Variants in AGBL1 observed in about 807,000 individuals in gnomAD.
AGBL1 encodes AGBL carboxypeptidase 1.
A neutral mutation model predicts 118.9 loss-of-function variants in AGBL1; 130 were observed. The observed-to-expected ratio is 1.09, with a 90% confidence interval of 0.95 to 1.26. AGBL1 has a LOEUF of 1.26. AGBL1 is among the 50% of genes most tolerant of loss of function. The pLI is 0.00. For synonymous variants in AGBL1, 555 were observed against 478.9 expected (o/e 1.16, Z -2.08); for missense variants, 1,584 against 1,298.1 (o/e 1.22, Z -3.38).
intron 22 of AGBL1, among the ~76,000 whole-genome samples, chr15:86,698,211 G>T (rs961940752): frequency 3.9e-5 from 6 of 151,974 alleles, no homozygotes; most frequent in Admixed American, 3.3e-4. Flanking sequence ...ATTGGTTAAA[G>T]TAGTCTTTAG....
chr15:86,588,595 A>C (rs2084288457), intron 21 of AGBL1, among the ~76,000 whole-genome samples: 1 of 152,216 alleles, frequency 6.6e-6, no homozygotes, highest in African/African-American at 2.4e-5. Context: ...ACACCACGGC[A>C]ACCACAACCT....
intron 17 of AGBL1, among the ~76,000 whole-genome samples, chr15:86,392,551 G>T (rs753015896): frequency 6.6e-6 from 1 of 152,150 alleles, no homozygotes; most frequent in Non-Finnish European, 1.5e-5. Flanking sequence ...GCCAGTAGAA[G>T]CTTAATATAT....
chr15:86,248,011 G>A (rs1464187838), intron 7 of AGBL1, 132 bp downstream of exon 7: 4 of 1,233,672 alleles, frequency 3.2e-6, no homozygotes, highest in African/African-American at 3.0e-5. Flanking sequence ...AAGGGCGGAT[G>A]TTCTGGATTT....
At chr15:86,207,444 G>A (rs184675867) in intron 5 of AGBL1, among the ~76,000 whole-genome samples, 1 of 152,276 alleles carries the variant, frequency 6.6e-6, no homozygotes, top group East Asian at 1.9e-4. Flanking sequence ...TTATCCATGA[G>A]CCTGGAATGT....
At chr15:86,385,194 A>T (rs2081165307) in intron 17 of AGBL1, among the ~76,000 whole-genome samples, 1 of 152,004 alleles carries the variant, frequency 6.6e-6, no homozygotes, top group African/African-American at 2.4e-5. Context: ...ATTTTTTCAT[A>T]TGATAACATA....
intron 5 of AGBL1, among the ~76,000 whole-genome samples, chr15:86,220,027 C>T (rs1263381652): frequency 7.3e-6 from 1 of 137,052 alleles, no homozygotes; most frequent in African/African-American, 2.7e-5. Context: ...TCTTGGTTCA[C>T]TGCAACCTCT....
intron 18 of AGBL1, among the ~76,000 whole-genome samples, chr15:86,443,564 T>G (rs1187592359): frequency 1.3e-5 from 2 of 152,168 alleles, no homozygotes. Flanking sequence ...TATCTAATTG[T>G]ATTTTGTGTT....
At chr15:87,022,514 A>G (rs1432879512) in intron 24 of AGBL1, among the ~76,000 whole-genome samples, 1 of 152,108 alleles carries the variant, frequency 6.6e-6, no homozygotes, top group Non-Finnish European at 1.5e-5. Context: ...AGATATCTAA[A>G]AGTTTGGAAA....
intron 17 of AGBL1, among the ~76,000 whole-genome samples, chr15:86,394,774 A>G (rs1314183747): frequency 6.6e-6 from 1 of 152,166 alleles, no homozygotes; most frequent in Non-Finnish European, 1.5e-5. Context: ...ACAAGACACA[A>G]AAACCAAGTA....
intron 22 of AGBL1, among the ~76,000 whole-genome samples, chr15:86,853,754 C>T (rs1282192990): frequency 2.6e-5 from 4 of 152,196 alleles, no homozygotes; most frequent in Non-Finnish European, 5.9e-5. Context: ...CTCAAAAGAT[C>T]GCTTGTGCCC....
chr15:86,414,340 T>C (rs1478160172), intron 18 of AGBL1, among the ~76,000 whole-genome samples: 1 of 152,152 alleles, frequency 6.6e-6, no homozygotes, highest in Non-Finnish European at 1.5e-5. Flanking sequence ...AAAGAGAGAA[T>C]GCAAAGAGTT....
intron 22 of AGBL1, among the ~76,000 whole-genome samples, chr15:86,895,799 A>T (rs1043451586): frequency 6.6e-6 from 1 of 152,106 alleles, no homozygotes; most frequent in Non-Finnish European, 1.5e-5. Flanking sequence ...AATGTCCCTT[A>T]TTTAAAGATA....
At chr15:86,322,798 C>T (rs1350650814) in intron 17 of AGBL1, among the ~76,000 whole-genome samples, 1 of 152,152 alleles carries the variant, frequency 6.6e-6, no homozygotes, top group African/African-American at 2.4e-5. Flanking sequence ...GTACTGAAAA[C>T]CAGCTTGGGG....
chr15:86,185,481 C>T (rs1248714547), intron 5 of AGBL1, among the ~76,000 whole-genome samples: 1 of 152,068 alleles, frequency 6.6e-6, no homozygotes, highest in South Asian at 2.1e-4. Context: ...GCACTATTCA[C>T]AATAGCAAAG....
chr15:86,554,252 A>G, intron 20 of AGBL1, 109 bp from the exon 21 acceptor site: 1 of 940,696 alleles, frequency 1.1e-6, no homozygotes, highest in Non-Finnish European at 1.5e-6. Flanking sequence ...GATTTAAAGT[A>G]ACGAGTATTT....
chr15:86,739,761 A>T (rs371925223), intron 22 of AGBL1, among the ~76,000 whole-genome samples: 18 of 152,298 alleles, frequency 1.2e-4, no homozygotes, highest in African/African-American at 4.1e-4. Context: ...ATGCACTGGA[A>T]ACAAGGGAGG....
intron 21 of AGBL1, among the ~76,000 whole-genome samples, chr15:86,611,825 C>T (rs1395566574): frequency 6.6e-6 from 1 of 152,008 alleles, no homozygotes; most frequent in African/African-American, 2.4e-5. Flanking sequence ...ACCTCAGAGG[C>T]GGAAGTTTAC....
In AGBL1 at chr15:86,191,367, AAAAGAG is replaced by A. The variant is rs1169372087; in HGVS notation, c.488+32343_488+32348del. ...TTGTCTCAAAAAAAAAAAAAAAAAA[AAAAGAG>A]AGAGAGAGAAATTAAGAGCACAAAT... On this transcript the variant is annotated intron_variant, in intron 5 of 22. Coordinates refer to ENST00000614907, the MANE Select transcript of AGBL1 (RefSeq NM_001386094.1). Among the ~76,000 whole-genome samples, 1,287 of 149,926 alleles carry A rather than the reference AAAAGAG, an allele frequency of 8.6e-3. 3 individuals are homozygous for A. The highest frequency in any genetic ancestry group is 0.047 in the East Asian group (232 of 4,936).
intron 17 of AGBL1, among the ~76,000 whole-genome samples, chr15:86,315,808 T>A (rs1313887447): frequency 2.6e-5 from 4 of 152,112 alleles, no homozygotes; most frequent in African/African-American, 9.7e-5. Flanking sequence ...TTCCTTTTAT[T>A]TCACACGGGA....
Sources: gnomAD v4.1 joint callset for allele counts (sites outside exome capture counted in the v4.1 genomes callset) on GRCh38, gnomAD v4.1.1 for gene constraint, MANE v1.5 for transcripts, NCBI Gene and HGNC (gene_info 2026-07-23, HGNC 2026-07-21) for gene names.